CDH4: variants seen among roughly 807,000 people sequenced by gnomAD.
CDH4 encodes the protein cadherin 4, also known as cadherin-4.
Under a neutral mutation model 86.0 loss-of-function variants are expected in CDH4, and 33 were observed. The ratio of observed to expected loss-of-function variants is 0.38; its 90% CI spans 0.29 to 0.51. The LOEUF is 0.51. Ranked by LOEUF, CDH4 falls within the 20% of genes least tolerant of loss-of-function variation. CDH4 has a pLI of 0.86. For missense variants in CDH4, 1,114 were observed against 1,307.4 expected, an observed-to-expected ratio of 0.85 and a Z score of 2.28; for synonymous variants, 555 against 549.4, an observed-to-expected ratio of 1.01 and a Z score of -0.14.
intron 6 of CDH4, among the ~76,000 whole-genome samples, chr20:61,854,752 T>C (rs75124887): frequency 8.8e-3 from 480 of 54,718 alleles, no homozygotes; most frequent in Middle Eastern, 0.017. Flanking sequence ...CCCAGGGCTG[T>C]AGTGTGAACA....
rs1980447022 is a variant in CDH4, at chr20:61,811,721, G to C, written c.577-32947G>C. On this transcript the variant is annotated intron_variant, in intron 4 of 15. Transcript: ENST00000614565. This position sits in a 1 kb window ranked among gnomAD's most constrained non-coding sequence, Gnocchi z 4.4. ...TTTTTGAGTTGGCACCCCCAGGCTG[G>C]AGTGCAGTGCCACGATCTCCACTCA... Among the ~76,000 whole-genome samples, 1 of 150,168 alleles carries C rather than the reference G, an allele frequency of 6.7e-6. No individual in the cohort carries two copies. Among genetic ancestry groups the C allele is most frequent in the Non-Finnish European group, 1.5e-5 (1 of 67,652 alleles).
chr20:61,558,875 C>T (rs767030581), intron 2 of CDH4, among the ~76,000 whole-genome samples: 8 of 152,246 alleles, frequency 5.3e-5, no homozygotes, highest in Non-Finnish European at 1.0e-4. Flanking sequence ...TGGCGAGCAC[C>T]GTGGGGCCGC....
At chr20:61,488,515 A>G (rs187761673) in intron 2 of CDH4, among the ~76,000 whole-genome samples, 7 of 152,288 alleles carry the variant, frequency 4.6e-5, no homozygotes, top group African/African-American at 1.7e-4. Flanking sequence ...TTGAGGTAGA[A>G]TTTGTACTGG....
In CDH4 at chr20:61,284,034, C is replaced by T. The variant is rs537713853; in HGVS notation, c.169+29097C>T. Reference sequence around the variant, plus strand: ...AAATCTGCTTAGCTTTGGCCGGGCGCGGTGGCTCACACCTGTAATCCCAGC... The same window carrying T: ...AAATCTGCTTAGCTTTGGCCGGGCGTGGTGGCTCACACCTGTAATCCCAGC... On this transcript the variant is annotated intron_variant, in intron 2 of 15. Transcript: ENST00000614565. Among the ~76,000 whole-genome samples the T allele has an allele frequency of 7.2e-5, 11 of 151,892 alleles. 1 individual carries two copies. The highest frequency in any genetic ancestry group is 6.3e-4 in the South Asian group (3 of 4,794).
At chr20:61,694,599 G>A (rs2087696337) in intron 2 of CDH4, among the ~76,000 whole-genome samples, 1 of 152,202 alleles carries the variant, frequency 6.6e-6, no homozygotes, top group South Asian at 2.1e-4. Flanking sequence ...GAGCACACTT[G>A]GAGGAAGGCT....
intron 2 of CDH4, among the ~76,000 whole-genome samples, chr20:61,457,450 G>A (rs1314785920): frequency 6.6e-6 from 1 of 152,252 alleles, no homozygotes; most frequent in Non-Finnish European, 1.5e-5. Context: ...GGTGGTGACT[G>A]TGATGTGAGT....
At chr20:61,493,194 G>C (rs1488923247) in intron 2 of CDH4, among the ~76,000 whole-genome samples, 2 of 152,212 alleles carry the variant, frequency 1.3e-5, no homozygotes, top group African/African-American at 2.4e-5. Flanking sequence ...ATACAGGCCT[G>C]TGTCAGTGCT....
In CDH4 at chr20:61,763,078, C is replaced by T. The variant is rs571376580; in HGVS notation, c.397-9925C>T. Among the ~76,000 whole-genome samples the T allele has an allele frequency of 6.6e-5, 10 of 152,348 alleles. No homozygotes were observed. The South Asian group carries it at 1.9e-3, about 28-fold the overall frequency. On this transcript the variant is annotated intron_variant, in intron 3 of 15. Coordinates refer to ENST00000614565, the MANE Select transcript of CDH4 (RefSeq NM_001794.5). ...GCAGGATCAGTGCAGGACCTGGCCG[C>T]TGGGCGGGATGACAAGTGAGGGATG...
intron 2 of CDH4, among the ~76,000 whole-genome samples, chr20:61,590,173 G>A (rs1429051552): frequency 2.1e-5 from 3 of 140,540 alleles, no homozygotes; most frequent in African/African-American, 2.6e-5. Context: ...AGGGATGGGT[G>A]GGGGGAGGAG....
At position 61,816,006 on chromosome 20, in the gene CDH4, G is replaced by T. The variant is rs771495960; in HGVS notation, c.577-28662G>T. ...CCTCGGCACCAAGGAGCTTAAAGTCGCATAAACCCAGGGAAGCTGCATTTC... is the reference window on the plus strand; with the variant it reads ...CCTCGGCACCAAGGAGCTTAAAGTCTCATAAACCCAGGGAAGCTGCATTTC... On this transcript the variant is annotated intron_variant, in intron 4 of 15. Coordinates refer to ENST00000614565, the MANE Select transcript of CDH4 (RefSeq NM_001794.5). Among the ~76,000 whole-genome samples, 3 of 152,288 alleles carry T rather than the reference G, an allele frequency of 2.0e-5. 1 individual carries two copies. In the South Asian group the frequency reaches 6.2e-4, roughly 32 times the overall value.
At chr20:61,499,448 G>C (rs750003727) in intron 2 of CDH4, 2 of 1,289,092 alleles carry the variant, frequency 1.6e-6, no homozygotes, top group South Asian at 2.5e-5. Context: ...AACGGCAGCT[G>C]TGACTTCATT....
chr20:61,361,187 C>G (rs1223049397), intron 2 of CDH4, among the ~76,000 whole-genome samples: 1 of 152,126 alleles, frequency 6.6e-6, no homozygotes, highest in Non-Finnish European at 1.5e-5. Flanking sequence ...GAGGGTTGCC[C>G]TTTCTGGCAA....
At chr20:61,405,826 G>C (rs182479783) in intron 2 of CDH4, among the ~76,000 whole-genome samples, 1 of 151,982 alleles carries the variant, frequency 6.6e-6, no homozygotes, top group South Asian at 2.1e-4. Context: ...GACTACAGGC[G>C]CCCGCCATCA....
intron 2 of CDH4, among the ~76,000 whole-genome samples, chr20:61,602,740 C>T (rs1435222017): frequency 6.7e-6 from 1 of 150,052 alleles, no homozygotes; most frequent in Non-Finnish European, 1.5e-5. Flanking sequence ...CTCCTGTCTC[C>T]CAGGTGCTGT....
chr20:61,695,286 G>T (rs371236925), intron 2 of CDH4, among the ~76,000 whole-genome samples: 2 of 152,218 alleles, frequency 1.3e-5, no homozygotes, highest in African/African-American at 4.8e-5. Context: ...CCGCAGAGGC[G>T]TCCTGCCCGG....
At chr20:61,524,445 C>T (rs1222715237) in intron 2 of CDH4, among the ~76,000 whole-genome samples, 2 of 151,820 alleles carry the variant, frequency 1.3e-5, no homozygotes, top group African/African-American at 2.4e-5. Context: ...GAGGAGTACT[C>T]GGGACTCTCT....
At chr20:61,656,804 G>A (rs985079804) in intron 2 of CDH4, among the ~76,000 whole-genome samples, 1 of 152,222 alleles carries the variant, frequency 6.6e-6, no homozygotes, top group Non-Finnish European at 1.5e-5. Context: ...CTGTGTGGCT[G>A]CGGGCAAGTC....
rs557667049 is a variant in CDH4 at position 61,754,639 on chromosome 20, C to T, written c.396+10850C>T. Among the ~76,000 whole-genome samples, 4 of 150,564 alleles carry T rather than the reference C, an allele frequency of 2.7e-5. No homozygotes were observed. The highest frequency in any genetic ancestry group is 7.4e-5 in the African/African-American group (3 of 40,800). On this transcript the variant is annotated intron_variant, in intron 3 of 15. Transcript: ENST00000614565. The surrounding 1 kb of genome is among the most constrained non-coding windows in gnomAD (Gnocchi z 4.7). ...GCACGGCACACACACCACACACACA[C>T]GCCCCACACACCACACGCACACACG...
intron 2 of CDH4, among the ~76,000 whole-genome samples, chr20:61,323,266 G>T (rs559724705): frequency 1.3e-5 from 2 of 152,256 alleles, no homozygotes; most frequent in Middle Eastern, 6.8e-3. Flanking sequence ...CCAGTGTCCC[G>T]AGTGGGTGGC....
Sources: allele counts gnomAD v4.1 joint callset (sites outside exome capture counted in the v4.1 genomes callset), GRCh38; gene constraint gnomAD v4.1.1; non-coding constraint Gnocchi (gnomAD v3.1); transcripts MANE v1.5; gene names NCBI Gene and HGNC (gene_info 2026-07-23, HGNC 2026-07-21).